VWA3B: variants seen among roughly 807,000 people sequenced by gnomAD.
VWA3B encodes von Willebrand factor A domain containing 3B.
In VWA3B, 138 loss-of-function variants were observed where a neutral mutation model predicts 158.3. The observed-to-expected ratio is 0.87, with a 90% confidence interval of 0.76 to 1.00. The LOEUF (loss-of-function observed/expected upper bound fraction) is 1.00. Among genes scored for constraint, VWA3B ranks in the 50% least tolerant of loss-of-function variants. The probability of loss-of-function intolerance (pLI) is 0.00; values close to 1 mark genes in which losing one functional copy is unlikely to be tolerated. For missense variants in VWA3B, 1,555 were observed against 1,565.1 expected, an observed-to-expected ratio of 0.99 and a Z score of 0.11; for synonymous variants, 596 against 587.3, an observed-to-expected ratio of 1.01 and a Z score of -0.21.
At chr2:98,129,282 G>A (rs1675655452) in intron 6 of VWA3B, among the ~76,000 whole-genome samples, 1 of 148,908 alleles carries the variant, frequency 6.7e-6, no homozygotes, top group African/African-American at 2.5e-5. Flanking sequence ...GGAGAGAGAG[G>A]AGAGAGAGGA....
intron 13 of VWA3B, 111 bp from the exon 14 acceptor site, chr2:98,217,735 A>T: frequency 9.8e-7 from 1 of 1,019,292 alleles, no homozygotes; most frequent in Admixed American, 3.1e-5. Flanking sequence ...TCACCACTGT[A>T]TACAGAATTA....
chr2:98,234,810 C>T, intron 17 of VWA3B, 43 bp downstream of exon 17: 1 of 1,613,062 alleles, frequency 6.2e-7, no homozygotes, highest in Non-Finnish European at 8.5e-7. Context: ...CCTCCCTTTC[C>T]ACAGTGTATC....
At chr2:98,317,782 A>T (rs1411864910), downstream of VWA3B, among the ~76,000 whole-genome samples, 1 of 152,206 alleles carries the variant, frequency 6.6e-6, no homozygotes, top group Non-Finnish European at 1.5e-5. Flanking sequence ...CACCTTAGGC[A>T]CATGTCCTCA....
chr2:98,203,634 TC>T (rs1474369041), intron 12 of VWA3B, among the ~76,000 whole-genome samples: 1 of 152,224 alleles, frequency 6.6e-6, no homozygotes, highest in African/African-American at 2.4e-5. Context: ...AGCATGCAGC[TC>T]TTGTACCTGT....
At chr2:98,307,229 A>G (rs1219506059) in intron 26 of VWA3B, among the ~76,000 whole-genome samples, 5 of 152,252 alleles carry the variant, frequency 3.3e-5, no homozygotes, top group Non-Finnish European at 7.3e-5. Flanking sequence ...GAAAGGGTAC[A>G]CTTGCCAGCA....
At chr2:98,182,833 G>T (rs957918499) in intron 9 of VWA3B, among the ~76,000 whole-genome samples, 6 of 152,150 alleles carry the variant, frequency 3.9e-5, no homozygotes, top group African/African-American at 1.4e-4. Context: ...GGCAGAACCC[G>T]AGAGGTGGAG....
At chr2:98,267,751 G>T (rs1262694238) in intron 21 of VWA3B, among the ~76,000 whole-genome samples, 4 of 152,028 alleles carry the variant, frequency 2.6e-5, no homozygotes, top group South Asian at 2.1e-4. Context: ...GGATCCAGGA[G>T]CTGGTTTTTT....
At chr2:98,206,795 T>C in intron 12 of VWA3B, 1 of 372,028 alleles carries the variant, frequency 2.7e-6, no homozygotes, top group Non-Finnish European at 5.2e-6. Flanking sequence ...GTACCCATCA[T>C]GGAGTTAATC....
chr2:98,294,054 C>T (rs1318022343), intron 23 of VWA3B, among the ~76,000 whole-genome samples: 6 of 151,804 alleles, frequency 4.0e-5, no homozygotes, highest in Non-Finnish European at 5.9e-5. Flanking sequence ...GTTATCATTG[C>T]CGGCCAGAAT....
intron 20 of VWA3B, among the ~76,000 whole-genome samples, chr2:98,252,857 G>A (rs1170768388): frequency 6.6e-6 from 1 of 152,132 alleles, no homozygotes; most frequent in African/African-American, 2.4e-5. Context: ...CTTTCAGTGA[G>A]TGAATCTGGA....
rs574054339 is a variant in VWA3B, at chr2:98,204,273, G to A, written c.1738-7657G>A. 1.1e-4 allele frequency among the ~76,000 whole-genome samples: 17 copies of A among 152,276 alleles called. No individual in the cohort carries two copies. The East Asian group carries it at 1.5e-3, about 14-fold the overall frequency. ...ACTTATTCCTTTGCCTTATTGCAGCGGATAGAACTTCCAGTACTACATTGA... is the reference window on the plus strand; with the variant it reads ...ACTTATTCCTTTGCCTTATTGCAGCAGATAGAACTTCCAGTACTACATTGA... On this transcript the variant is annotated intron_variant, in intron 12 of 27. Coordinates refer to ENST00000477737, the MANE Select transcript of VWA3B (RefSeq NM_144992.5).
intron 3 of VWA3B, 66 bp downstream of exon 3, chr2:98,115,812 G>A: frequency 1.5e-6 from 2 of 1,334,252 alleles, no homozygotes; most frequent in South Asian, 1.2e-5. Flanking sequence ...GGAGAGTGCA[G>A]TGTGGGGAGA....
intron 23 of VWA3B, among the ~76,000 whole-genome samples, chr2:98,296,084 T>C (rs1429456293): frequency 6.6e-6 from 1 of 152,238 alleles, no homozygotes; most frequent in Admixed American, 6.5e-5. Context: ...CAGTGATAAA[T>C]GGTTTAGGCT....
At chr2:98,193,573 G>T (rs1407529088) in intron 11 of VWA3B, among the ~76,000 whole-genome samples, 1 of 152,066 alleles carries the variant, frequency 6.6e-6, no homozygotes, top group Non-Finnish European at 1.5e-5. Context: ...TAATAGCGGG[G>T]AGTGTTTGAG....
At chr2:98,159,027 A>G (rs766574437) in intron 7 of VWA3B, among the ~76,000 whole-genome samples, 4 of 152,114 alleles carry the variant, frequency 2.6e-5, no homozygotes, top group Non-Finnish European at 4.4e-5. Flanking sequence ...CCTGTAGGTG[A>G]GATGTGGAAG....
chr2:98,309,149 G>A (rs1448280023), intron 26 of VWA3B, among the ~76,000 whole-genome samples: 2 of 143,850 alleles, frequency 1.4e-5, no homozygotes, highest in African/African-American at 2.6e-5. Context: ...CAGCCTGGGC[G>A]ACAGAGCGAG....
intron 21 of VWA3B, among the ~76,000 whole-genome samples, chr2:98,260,405 T>TA (rs1336895364): frequency 2.6e-5 from 4 of 151,216 alleles, no homozygotes; most frequent in Non-Finnish European, 4.4e-5. Flanking sequence ...TAAAAAATAT[T>TA]AAAAAAAAGA....
chr2:98,236,393 T>C lies in VWA3B; in HGVS notation c.2432T>C (p.Met811Thr), dbSNP rs199879917. 1.2e-5 allele frequency: 20 copies of C among 1,614,154 alleles called. No homozygotes were observed. In the East Asian group the frequency reaches 2.9e-4, roughly 23 times the overall value. The change falls in exon 18 of 28, where the codon ATG becomes ACG. Residue 811 changes from methionine to threonine, a missense_variant. By Grantham distance (81) the Met-to-Thr change is moderately conservative (BLOSUM62 -1). Transcript: ENST00000477737. Reference sequence around the variant, plus strand: ...ACTGCCACTTCCCCTTCCACAGAAATGAGCATCTTGCTGGCTGAGGAGTGG... The same window carrying C: ...ACTGCCACTTCCCCTTCCACAGAAACGAGCATCTTGCTGGCTGAGGAGTGG... ...SRRTALSDKEMSILLAEEWLD... is the reference protein window; with the variant it reads ...SRRTALSDKETSILLAEEWLD...
the VWA3B span, among the ~76,000 whole-genome samples, chr2:98,330,158 G>T: frequency 6.6e-6 from 1 of 152,150 alleles, no homozygotes; most frequent in African/African-American, 2.4e-5. Context: ...GCTATTCAAG[G>T]TGCAGGGGAT....
Sources: allele counts gnomAD v4.1 joint callset (sites outside exome capture counted in the v4.1 genomes callset), GRCh38; gene constraint gnomAD v4.1.1; transcripts MANE v1.5; gene names NCBI Gene and HGNC (gene_info 2026-07-23, HGNC 2026-07-21).